Variants in ALG13 observed in about 807,000 individuals in gnomAD.
ALG13 encodes UDP-N-acetylglucosamine transferase subunit ALG13.
ALG13 carries 11 observed loss-of-function variants against 87.8 expected under a neutral mutation model. That is an observed-to-expected ratio of 0.13 (90% confidence interval 0.08 to 0.21). The LOEUF (loss-of-function observed/expected upper bound fraction) is 0.21, where lower values mean the gene tolerates loss of function less well. Ranked by LOEUF, ALG13 falls within the 10% of genes least tolerant of loss-of-function variation. The pLI is 1.00. For missense variants in ALG13, 756 were observed against 866.1 expected, an observed-to-expected ratio of 0.87 and a Z score of 1.60; for synonymous variants, 320 against 306.3, an observed-to-expected ratio of 1.04 and a Z score of -0.47.
intron 24 of ALG13, among the ~76,000 whole-genome samples, chrX:111,745,948 T>C (rs1387745711): frequency 8.9e-6 from 1 of 111,809 alleles, no homozygotes; most frequent in Non-Finnish European, 1.9e-5. Context: ...TATTTTACTA[T>C]GACAATATTC....
At chrX:111,693,844 T>C (rs935482577) in intron 3 of ALG13, among the ~76,000 whole-genome samples, 1 of 110,709 alleles carries the variant, frequency 9.0e-6, no homozygotes, top group African/African-American at 3.3e-5. Context: ...GATTTTGCAG[T>C]GACTTTCAGA....
Position 111,735,096 on chromosome X carries a change from G to T in ALG13, c.2503G>T (p.Val835Phe). Reference sequence around the variant, plus strand: ...ATGTTCTATGTCTCCTCAGGACACAGTTACCTCATACAACTACCCCCAGAA... The same window carrying T: ...ATGTTCTATGTCTCCTCAGGACACATTTACCTCATACAACTACCCCCAGAA... ...KSCSMSPQDT[V>F]TSYNYPQKMM... The change falls in exon 22 of 27, where the codon GTT becomes TTT. Residue 835 changes from valine (V) to phenylalanine (F), a missense_variant. Physicochemically the swap from Val to Phe is conservative, Grantham distance 50. Around this residue, in one of 9 missense-constraint regions of ALG13, gnomAD observed 362 missense variants for 383.5 expected, o/e 0.94. Coordinates refer to ENST00000394780, the MANE Select transcript of ALG13 (RefSeq NM_001099922.3). 8.4e-7 allele frequency: 1 copy of T among 1,192,403 alleles called. No homozygotes were observed. The highest frequency in any genetic ancestry group is 1.1e-6 in the Non-Finnish European group (1 of 879,139).
intron 1 of ALG13, 113 bp from the exon 2 acceptor site, chrX:111,682,018 CT>C: frequency 1.1e-6 from 1 of 900,428 alleles, no homozygotes; most frequent in Admixed American, 3.8e-5. Context: ...CACAGATAGG[CT>C]TTTTGGCGGC....
rs762030018 is a variant in ALG13 at position 111,757,614 on chromosome X, C to T, written c.3000C>T (p.Ser1000=). Residue 1000 remains serine, a synonymous_variant, in exon 26 of 27, where the codon TCC becomes TCT. Coordinates refer to ENST00000394780, the MANE Select transcript of ALG13 (RefSeq NM_001099922.3). The part of the protein sequence containing the change: ...LQCYYHSYWH[S]MVYVPQMQQQ... ...GCTATTACCACAGCTACTGGCACTC[C>T]ATGGTCTATGTGCCACAGATGCAGC... 1.7e-5 allele frequency: 20 copies of T among 1,206,125 alleles called. No individual in the cohort carries two copies. Among genetic ancestry groups the T allele is most frequent in the Non-Finnish European group, 1.9e-5 (17 of 892,987 alleles).
intron 12 of ALG13, among the ~76,000 whole-genome samples, chrX:111,722,070 C>T (rs1309767993): frequency 1.8e-5 from 2 of 111,316 alleles, no homozygotes; most frequent in African/African-American, 6.5e-5. Flanking sequence ...TCTGACACAC[C>T]AACTGTTTTT....
In ALG13 at chrX:111,691,739, G is replaced by GGTATGCTA. The variant is rs1010119946; in HGVS notation, c.383+6638_383+6645dup. ...ATTGTATGTTAGCCACAGGCGTAACGGTATGCTAGCCATAGGTGTATAACC... is the reference window on the plus strand; with the variant it reads ...ATTGTATGTTAGCCACAGGCGTAACGGTATGCTAGTATGCTAGCCATAGGTGTATAACC... On this transcript the variant is annotated intron_variant, in intron 3 of 26. Transcript: ENST00000394780. Among the ~76,000 whole-genome samples the GGTATGCTA allele has an allele frequency of 2.2e-3, 248 of 111,778 alleles. 1 individual carries two copies. Among genetic ancestry groups the GGTATGCTA allele is most frequent in the African/African-American group, 7.6e-3 (234 of 30,742 alleles).
chrX:111,730,300 A>C, intron 19 of ALG13, 95 bp from the exon 20 acceptor site: 1 of 765,776 alleles, frequency 1.3e-6, no homozygotes, highest in South Asian at 2.4e-5. Context: ...TATAACCATA[A>C]AACTGGTGGA....
At chrX:111,711,567 C>T in intron 5 of ALG13, 108 bp from the exon 6 acceptor site, 1 of 673,394 alleles carries the variant, frequency 1.5e-6, no homozygotes, top group Non-Finnish European at 2.2e-6. Flanking sequence ...ATACTTACAC[C>T]ATAATTGTTG....
intron 25 of ALG13, chrX:111,757,233 A>G (rs188820955): frequency 4.9e-5 from 7 of 143,538 alleles, no homozygotes; most frequent in South Asian, 3.4e-4. Context: ...CGTTGCCTGT[A>G]TAGTATTTCA....
rs1330261140 is a variant in ALG13 at position 111,759,875 on chromosome X, C to T, written c.3290C>T (p.Pro1097Leu). 3.3e-6 allele frequency: 4 copies of T among 1,208,897 alleles called. No individual in the cohort carries two copies. The South Asian group carries it at 5.3e-5, about 16-fold the overall frequency. Residue 1097 changes from proline to leucine, a missense_variant, in exon 27 of 27, where the codon CCC (proline) becomes CTC (leucine). This residue lies in a region of ALG13 where 110 missense variants were observed against 104.9 expected (regional missense o/e 1.05). Transcript: ENST00000394780. ...GTGCCAGATTATTCCTGTGTTCCCC[C>T]CTGGCATCCAGTTGGTACAGCATAT... is the stretch of plus-strand genomic sequence containing the variant. Reference protein sequence around the residue: ...PVVPDYSCVPPWHPVGTAYGG... With the variant: ...PVVPDYSCVPLWHPVGTAYGG...
intron 21 of ALG13, among the ~76,000 whole-genome samples, chrX:111,732,653 C>T (rs764651421): frequency 5.3e-5 from 6 of 112,418 alleles, no homozygotes; most frequent in Non-Finnish European, 1.1e-4. Context: ...TTATGAAGAA[C>T]TTGAATAACT....
chrX:111,718,359 C>T (rs1024359525), intron 10 of ALG13, 85 bp downstream of exon 10: 4 of 831,531 alleles, frequency 4.8e-6, no homozygotes, highest in African/African-American at 2.1e-5. Context: ...GCCTGGCAAG[C>T]TTATGAGTTA....
intron 23 of ALG13, among the ~76,000 whole-genome samples, chrX:111,744,356 C>G (rs921707337): frequency 2.7e-5 from 3 of 111,696 alleles, no homozygotes; most frequent in African/African-American, 9.8e-5. Context: ...AAAAATTTTG[C>G]TTTAGTTATG....
intron 3 of ALG13, among the ~76,000 whole-genome samples, chrX:111,694,235 C>G (rs1038075167): frequency 5.5e-5 from 6 of 109,574 alleles, no homozygotes; most frequent in Non-Finnish European, 9.5e-5. Context: ...TTGGTAGAGA[C>G]AGGGTTTCAC....
intron 10 of ALG13, among the ~76,000 whole-genome samples, chrX:111,719,633 A>G (rs1259575537): frequency 2.7e-5 from 3 of 112,008 alleles, no homozygotes; most frequent in Non-Finnish European, 5.6e-5. Context: ...CTGAGTTCTT[A>G]TCTGGAGCTT....
intron 3 of ALG13, among the ~76,000 whole-genome samples, chrX:111,706,116 G>A (rs899515875): frequency 1.8e-5 from 2 of 109,710 alleles, no homozygotes; most frequent in African/African-American, 3.3e-5. Flanking sequence ...GTGCAGTGGT[G>A]TGATCTCGGC....
intron 25 of ALG13, chrX:111,753,047 G>C: frequency 2.9e-6 from 1 of 343,114 alleles, no homozygotes; most frequent in South Asian, 7.0e-5. Flanking sequence ...ACTGAAGAGA[G>C]GGGTACTGGG....
intron 11 of ALG13, 83 bp downstream of exon 11, chrX:111,720,253 A>T: frequency 1.6e-6 from 1 of 638,932 alleles, no homozygotes; most frequent in Non-Finnish European, 2.3e-6. Context: ...CAGATATTAT[A>T]TTCTAGTTAT....
intron 3 of ALG13, among the ~76,000 whole-genome samples, chrX:111,707,812 CCCGAGTTAAG>C (rs1939044418): frequency 9.0e-6 from 1 of 111,497 alleles, no homozygotes; most frequent in Non-Finnish European, 1.9e-5. Flanking sequence ...CAGCAGTTGC[CCCGAGTTAAG>C]CTGCAAAGTC....
Sources: allele counts gnomAD v4.1 joint callset (sites outside exome capture counted in the v4.1 genomes callset), GRCh38; gene constraint gnomAD v4.1.1; regional missense constraint gnomAD v4.1.1; transcripts MANE v1.5; gene names NCBI Gene and HGNC (gene_info 2026-07-23, HGNC 2026-07-21).